Variants in IFT140 observed in about 807,000 individuals in gnomAD.
IFT140 encodes the protein intraflagellar transport protein 140 homolog.
Under a neutral mutation model 164.6 loss-of-function variants are expected in IFT140, and 133 were observed. That is an observed-to-expected ratio of 0.81 (90% CI 0.70 to 0.93). The LOEUF (loss-of-function observed/expected upper bound fraction) is 0.93. Among genes scored for constraint, IFT140 ranks in the 40% least tolerant of loss-of-function variants. The pLI is 0.00. For synonymous variants in IFT140, 860 were observed against 817.3 expected, an observed-to-expected ratio of 1.05 and a Z score of -0.89; for missense variants, 2,045 against 1,972.3, an observed-to-expected ratio of 1.04 and a Z score of -0.70.
chr16:1,570,321 G>C (rs1429804972), intron 14 of IFT140, among the ~76,000 whole-genome samples: 1 of 152,172 alleles, frequency 6.6e-6, no homozygotes, highest in East Asian at 1.9e-4. Flanking sequence ...CTACGATTCT[G>C]TGTATGGAGT....
chr16:1,530,717 C>G (rs1596313837), intron 19 of IFT140: 2 of 151,488 alleles, frequency 1.3e-5, no homozygotes, highest in Admixed American at 1.3e-4. Context: ...GGGAGAGAGC[C>G]CGCCCGTGGG....
chr16:1,584,747 GT>G (rs1295377186), intron 10 of IFT140, among the ~76,000 whole-genome samples: 1 of 152,202 alleles, frequency 6.6e-6, no homozygotes, highest in African/African-American at 2.4e-5. Context: ...GGATGTTTAT[GT>G]TTTTTATAAA....
intron 29 of IFT140, among the ~76,000 whole-genome samples, chr16:1,519,060 C>A (rs560725919): frequency 7.8e-4 from 119 of 152,202 alleles, no homozygotes; most frequent in Non-Finnish European, 1.4e-3. Flanking sequence ...ACGTCCTGTG[C>A]TATCCCTGAT....
At chr16:1,544,622 G>A (rs1021216965) in intron 19 of IFT140, among the ~76,000 whole-genome samples, 20 of 151,408 alleles carry the variant, frequency 1.3e-4, no homozygotes, top group Admixed American at 1.3e-3. Context: ...GTGCTACTGC[G>A]CCCAGCTGGA....
chr16:1,608,590 G>A (rs1002525351), intron 2 of IFT140, among the ~76,000 whole-genome samples: 2 of 130,072 alleles, frequency 1.5e-5, no homozygotes, highest in South Asian at 2.3e-4. Flanking sequence ...CTGAGATCGC[G>A]CCACTGTACT....
At chr16:1,610,250 A>G (rs2142139934) in intron 2 of IFT140, 1 of 155,042 alleles carries the variant, frequency 6.4e-6, no homozygotes, top group South Asian at 2.0e-4. Flanking sequence ...CTGAGAAGCC[A>G]TGCGCTGGCG....
intron 14 of IFT140, 94 bp from the exon 15 acceptor site, chr16:1,568,428 C>A: frequency 9.8e-7 from 1 of 1,020,092 alleles, no homozygotes; most frequent in Admixed American, 1.9e-5. Context: ...ATGAGTGCTG[C>A]ACAGCTCTTA....
At chr16:1,556,050 G>A (rs2033059024) in intron 19 of IFT140, among the ~76,000 whole-genome samples, 1 of 152,196 alleles carries the variant, frequency 6.6e-6, no homozygotes, top group African/African-American at 2.4e-5. Context: ...AGGTTGCAGT[G>A]AGCCGAGATT....
intron 19 of IFT140, among the ~76,000 whole-genome samples, chr16:1,528,530 C>T (rs1320128036): frequency 2.0e-5 from 3 of 152,064 alleles, no homozygotes; most frequent in Admixed American, 2.0e-4. Flanking sequence ...CAGGCACACA[C>T]AAGCACATGC....
In IFT140 at chr16:1,523,564, T is replaced by C; in HGVS notation, c.3407A>G (p.His1136Arg). The change falls in exon 26 of 31, where the codon CAC becomes CGC. Residue 1136 changes from histidine to arginine, a missense_variant. By Grantham distance (29) the His-to-Arg change is conservative (BLOSUM62 0). Coordinates refer to ENST00000426508, the MANE Select transcript of IFT140 (RefSeq NM_014714.4). ...CTCTACCGCCCTCTCGTACTGACTGTGCTCGATGAAGAAGTCGGAGCAGCG... is the reference window on the plus strand; with the variant it reads ...CTCTACCGCCCTCTCGTACTGACTGCGCTCGATGAAGAAGTCGGAGCAGCG... ...LARCSDFFIE[H>R]SQYERAVELL... The C allele has an allele frequency of 6.2e-7, 1 of 1,613,580 alleles. No individual in the cohort carries two copies. The highest frequency in any genetic ancestry group is 8.5e-7 in the Non-Finnish European group (1 of 1,179,956).
intron 13 of IFT140, chr16:1,576,941 G>C (rs1012426075): frequency 6.6e-6 from 1 of 152,178 alleles, no homozygotes; most frequent in Non-Finnish European, 1.5e-5. Context: ...CAAGTGTTTC[G>C]AAGATCCCCT....
chr16:1,602,401 G>C lies in IFT140; in HGVS notation c.338C>G (p.Pro113Arg). 1 of 1,614,196 alleles carries C rather than the reference G, an allele frequency of 6.2e-7. No homozygotes were observed. The highest frequency in any genetic ancestry group is 8.5e-7 in the Non-Finnish European group (1 of 1,180,034). The change falls in exon 4 of 31, where the codon CCC becomes CGC. Residue 113 changes from proline (P) to arginine (R), a missense_variant. Coordinates refer to ENST00000426508, the MANE Select transcript of IFT140 (RefSeq NM_014714.4). ...TADITVLRWS[P>R]SGNCLLSGDR... ...CCCAGACAGCAGGCAGTTTCCACTG[G>C]GGCTCCAACGGAGCACGGTGATGTC...
At chr16:1,516,106 C>A (rs2040329206) in intron 30 of IFT140, among the ~76,000 whole-genome samples, 2 of 118,898 alleles carry the variant, frequency 1.7e-5, no homozygotes, top group African/African-American at 6.5e-5. Flanking sequence ...GTTGCCCACT[C>A]CAGCCTGGGC....
intron 4 of IFT140, among the ~76,000 whole-genome samples, chr16:1,599,898 C>A (rs1361115977): frequency 8.9e-6 from 1 of 112,444 alleles, no homozygotes. Context: ...CCCGGCCGCC[C>A]CTACTGGGAA....
chr16:1,511,172 T>A (rs762357258), intron 30 of IFT140, 22 bp from the exon 31 acceptor site: 15 of 1,581,214 alleles, frequency 9.5e-6, no homozygotes, highest in African/African-American at 1.3e-5. Context: ...GAGCAGACAT[T>A]ACTCAGCTTT....
Position 1,511,041 on chromosome 16 carries a change from A to C in IFT140, c.4292T>G (p.Leu1431Arg), listed in dbSNP as rs1567312973. The C allele has an allele frequency of 6.2e-7, 1 of 1,606,374 alleles. No individual in the cohort carries two copies. Residue 1431 changes from leucine to arginine, a missense_variant, in exon 31 of 31, where the codon CTG becomes CGG. Coordinates refer to ENST00000426508, the MANE Select transcript of IFT140 (RefSeq NM_014714.4). ...DAVHRGLGLP[L>R]PRTVPEQVRH... Reference sequence around the variant, plus strand: ...GACCTGCTCGGGGACGGTGCGTGGCAGTGGGAGACCCAGCCCCCGGTGCAC... The same window carrying C: ...GACCTGCTCGGGGACGGTGCGTGGCCGTGGGAGACCCAGCCCCCGGTGCAC...
In IFT140 at chr16:1,592,582, C is replaced by T; in HGVS notation, c.376G>A (p.Val126Ile). 1 of 1,613,988 alleles carries T rather than the reference C, an allele frequency of 6.2e-7. No individual in the cohort carries two copies. The highest frequency in any genetic ancestry group is 8.5e-7 in the Non-Finnish European group (1 of 1,179,912). The change falls in exon 5 of 31, where the codon GTC (valine) becomes ATC (isoleucine). Residue 126 changes from valine to isoleucine, a missense_variant. Transcript: ENST00000426508. ...TGGTCCAACCTCCACAAGAGCAAGA[C>T]ACCAAGCTGGAAAGACCCAACACCA... ...NCLLSGDRLGVLLLWRLDQRG... is the reference protein window; with the variant it reads ...NCLLSGDRLGILLLWRLDQRG...
In IFT140 at chr16:1,525,317, C is replaced by G; in HGVS notation, c.2778G>C (p.Lys926Asn). 6.2e-7 allele frequency: 1 copy of G among 1,611,582 alleles called. No individual in the cohort carries two copies. The highest frequency in any genetic ancestry group is 2.2e-5 in the East Asian group (1 of 44,874). ...DCSRALSYYE[K>N]SDTHRFEVPR... ...GCACCTCGAAGCGGTGCGTGTCCGACTTCTCGTAGCTGTGAGAGAAGGAGA... is the reference window on the plus strand; with the variant it reads ...GCACCTCGAAGCGGTGCGTGTCCGAGTTCTCGTAGCTGTGAGAGAAGGAGA... Residue 926 changes from lysine to asparagine, a missense_variant, in exon 22 of 31, where the codon AAG becomes AAC. Transcript: ENST00000426508.
At chr16:1,596,615 A>G (rs932219642) in intron 4 of IFT140, among the ~76,000 whole-genome samples, 1 of 152,208 alleles carries the variant, frequency 6.6e-6, no homozygotes, top group Admixed American at 6.5e-5. Context: ...GATGTCTACT[A>G]TCAAGAGCTC....
Sources: gnomAD v4.1 joint callset for allele counts (sites outside exome capture counted in the v4.1 genomes callset) on GRCh38, gnomAD v4.1.1 for gene constraint, MANE v1.5 for transcripts, NCBI Gene and HGNC (gene_info 2026-07-23, HGNC 2026-07-21) for gene names.